The following ZC3H14 variants were observed in gnomAD, a reference collection of about 807,000 sequenced individuals.
ZC3H14 encodes zinc finger CCCH domain-containing protein 14.
ZC3H14 carries 31 observed loss-of-function variants against 92.4 expected under a neutral mutation model. That is an observed-to-expected ratio of 0.34 (90% confidence interval 0.25 to 0.45). The LOEUF is 0.45. Among genes scored for constraint, ZC3H14 ranks in the 20% least tolerant of loss-of-function variants. The pLI, the probability that ZC3H14 is intolerant of heterozygous loss-of-function variation, is 1.00. For missense variants in ZC3H14, 781 were observed against 897.3 expected (o/e 0.87, Z 1.66); for synonymous variants, 321 against 300.9 (o/e 1.07, Z -0.69).
At chr14:88,595,065 A>G (rs2083627894) in intron 9 of ZC3H14, 1 of 1,613,230 alleles carries the variant, frequency 6.2e-7, no homozygotes, top group African/African-American at 1.3e-5. Flanking sequence ...CACAGTCAAG[A>G]ACTACTGATG....
At chr14:88,585,944 G>A (rs1199817412) in intron 9 of ZC3H14, among the ~76,000 whole-genome samples, 5 of 152,152 alleles carry the variant, frequency 3.3e-5, no homozygotes, top group African/African-American at 1.2e-4. Context: ...TGAGGCGGGT[G>A]GATCACCTGA....
chr14:88,618,572 A>C lies in ZC3H14; in HGVS notation c.*6821A>C. 3 of 1,483,878 alleles carry C rather than the reference A, an allele frequency of 2.0e-6. No homozygotes were observed. The highest frequency in any genetic ancestry group is 2.7e-6 in the Non-Finnish European group (3 of 1,106,624). 91.9% of individuals were successfully genotyped at this position (1,483,878 alleles called of 1,614,324 possible). On this transcript the variant is annotated 3_prime_UTR_variant, in exon 17 of 17. Transcript: ENST00000251038. ...AGAAGCTGGAGCTCTGGAGCTCAGGAACTTTAAATGCATTCACTAACACGA... is the reference window on the plus strand; with the variant it reads ...AGAAGCTGGAGCTCTGGAGCTCAGGCACTTTAAATGCATTCACTAACACGA...
Position 88,621,915 on chromosome 14 carries a change from ATAAATACGTGATTCTTAAC to A in ZC3H14, c.*10167_*10185del. 2.2e-6 allele frequency: 1 copy of A among 456,218 alleles called. No homozygotes were observed. Among genetic ancestry groups the A allele is most frequent in the Non-Finnish European group, 4.4e-6 (1 of 226,804 alleles). 28.3% of individuals were successfully genotyped at this position (456,218 alleles called of 1,614,324 possible). A position where few individuals can be genotyped will look rare whatever the true frequency, so the allele number is the denominator to read the frequency against. On this transcript the variant is annotated 3_prime_UTR_variant, in exon 17 of 17. Transcript: ENST00000251038. ...CTCTCTTGTAAATACCTGAAAATACATAAATACGTGATTCTTAACTATAGTCATCCTACAGTACTACAGA... is the reference window on the plus strand; with the variant it reads ...CTCTCTTGTAAATACCTGAAAATACATATAGTCATCCTACAGTACTACAGA...
Position 88,617,532 on chromosome 14 carries a change from G to A in ZC3H14, c.*5781G>A. 6.6e-6 allele frequency: 1 copy of A among 152,508 alleles called. No homozygotes were observed. Among genetic ancestry groups the A allele is most frequent in the South Asian group, 2.1e-4 (1 of 4,828 alleles). The allele number at this position is 152,508 out of a possible 1,614,324, so 9.4% of individuals were successfully genotyped here. A position where few individuals can be genotyped will look rare whatever the true frequency, so the allele number is the denominator to read the frequency against. ...ACCAGTAATCCCAACATTTTGGGAG[G>A]CTGAGGCAGGAGGACTGCTTGAGGC... On this transcript the variant is annotated 3_prime_UTR_variant, in exon 17 of 17. Transcript: ENST00000251038.
intron 2 of ZC3H14, among the ~76,000 whole-genome samples, chr14:88,565,839 T>G (rs1048755349): frequency 1.3e-5 from 2 of 152,000 alleles, no homozygotes; most frequent in African/African-American, 4.8e-5. Flanking sequence ...TATAAAAATA[T>G]GAAACAAGGC....
intron 12 of ZC3H14, among the ~76,000 whole-genome samples, chr14:88,605,849 T>G (rs965017224): frequency 6.6e-6 from 1 of 152,162 alleles, no homozygotes; most frequent in Non-Finnish European, 1.5e-5. Flanking sequence ...GTTGCCTGTT[T>G]TGCATTTTTT....
chr14:88,593,573 A>G (rs900920622), intron 9 of ZC3H14, among the ~76,000 whole-genome samples: 14 of 152,336 alleles, frequency 9.2e-5, no homozygotes. Context: ...ATAAATGCAT[A>G]CTTTCACAAC....
At chr14:88,567,277 G>A (rs1488609949) in intron 2 of ZC3H14, among the ~76,000 whole-genome samples, 1 of 151,334 alleles carries the variant, frequency 6.6e-6, no homozygotes, top group East Asian at 1.9e-4. Flanking sequence ...CACCACACCC[G>A]GCTAATTTTT....
At chr14:88,591,946 C>A (rs1256236579) in intron 9 of ZC3H14, 2 of 152,160 alleles carry the variant, frequency 1.3e-5, no homozygotes, top group Admixed American at 1.3e-4. Flanking sequence ...ACCCTAGTTT[C>A]CTAATCTATA....
In ZC3H14 at chr14:88,572,414, A is replaced by C. The variant is rs1269614848; in HGVS notation, c.432-164A>C. Among the ~76,000 whole-genome samples the C allele has an allele frequency of 2.6e-5, 4 of 152,254 alleles. No homozygotes were observed. In the East Asian group the frequency reaches 7.7e-4, roughly 29 times the overall value. On this transcript the variant is annotated intron_variant, in intron 5 of 16. Transcript: ENST00000251038. ...TTATCTTTTATCACAAATTTAGTAA[A>C]TCAAAGTTGAAAGAAAGTGCAATTT...
At chr14:88,602,212 A>G (rs1399446560) in intron 11 of ZC3H14, 129 bp downstream of exon 11, 2 of 1,279,982 alleles carry the variant, frequency 1.6e-6, no homozygotes, top group African/African-American at 3.0e-5. Flanking sequence ...TTCAGTAGCT[A>G]GCCCATGAAT....
rs1344948381 is a variant in ZC3H14, at chr14:88,616,300, C to T, written c.*4549C>T. ...TTGGTGCACACAGAAGTCAAAGGCT[C>T]TTATTAGGAACTATAATCTCTATGA... On this transcript the variant is annotated 3_prime_UTR_variant, in exon 17 of 17. Transcript: ENST00000251038. The T allele has an allele frequency of 1.1e-5, 16 of 1,495,598 alleles. No homozygotes were observed. The East Asian group carries it at 3.4e-4, about 32-fold the overall frequency. 92.6% of individuals were successfully genotyped at this position (1,495,598 alleles called of 1,614,324 possible). A position where few individuals can be genotyped will look rare whatever the true frequency, so the allele number is the denominator to read the frequency against.
chr14:88,616,559 G>A lies in ZC3H14; in HGVS notation c.*4808G>A. 1.4e-6 allele frequency: 1 copy of A among 690,562 alleles called. No individual in the cohort carries two copies. Among genetic ancestry groups the A allele is most frequent in the Non-Finnish European group, 2.4e-6 (1 of 424,192 alleles). The allele number at this position is 690,562 out of a possible 1,614,324, so 42.8% of individuals were successfully genotyped here. On this transcript the variant is annotated 3_prime_UTR_variant, in exon 17 of 17. Coordinates refer to ENST00000251038, the MANE Select transcript of ZC3H14 (RefSeq NM_024824.5). ...TCCAAAGATGGTATTACTCGAGGGA[G>A]AGGATTTGTTTCTAATAGCTTTTAT...
intron 5 of ZC3H14, 89 bp from the exon 6 acceptor site, chr14:88,572,489 A>T (rs568033902): frequency 2.6e-6 from 4 of 1,524,992 alleles, no homozygotes; most frequent in East Asian, 4.7e-5. Context: ...CAGTTTTTTC[A>T]TTGAAATTTT....
At chr14:88,565,948 A>ACCT (rs1296820959) in intron 2 of ZC3H14, among the ~76,000 whole-genome samples, 1 of 135,672 alleles carries the variant, frequency 7.4e-6, no homozygotes, top group Admixed American at 8.6e-5. Flanking sequence ...GCTCACTGCA[A>ACCT]CCTCCGCCTC....
chr14:88,592,306 CTG>C (rs1261058192), intron 9 of ZC3H14: 4 of 152,146 alleles, frequency 2.6e-5, no homozygotes, highest in African/African-American at 7.2e-5. Flanking sequence ...AAAAAAAAGT[CTG>C]TGAATCCAAA....
At chr14:88,595,049 C>T (rs2083624519) in intron 9 of ZC3H14, 2 of 1,613,350 alleles carry the variant, frequency 1.2e-6, no homozygotes, top group African/African-American at 2.7e-5. Flanking sequence ...GAAGAAGATA[C>T]TGAATCACAG....
chr14:88,594,667 A>T, intron 9 of ZC3H14: 1 of 1,611,670 alleles, frequency 6.2e-7, no homozygotes, highest in Non-Finnish European at 8.5e-7. Flanking sequence ...TGAAGAAAAA[A>T]TTATCAGATT....
At chr14:88,610,655 A>AC (rs2086486708) in intron 15 of ZC3H14, among the ~76,000 whole-genome samples, 179 bp from the exon 16 acceptor site, 1 of 150,844 alleles carries the variant, frequency 6.6e-6, no homozygotes, top group Admixed American at 6.6e-5. Context: ...TAAAAAAAAA[A>AC]AAAACAGGCT....
Sources: allele counts gnomAD v4.1 joint callset (sites outside exome capture counted in the v4.1 genomes callset), GRCh38; gene constraint gnomAD v4.1.1; transcripts MANE v1.5; gene names NCBI Gene and HGNC (gene_info 2026-07-23, HGNC 2026-07-21).